Variants in PCDH15 observed in about 807,000 individuals in gnomAD.
PCDH15 encodes protocadherin-15.
In PCDH15, 129 loss-of-function variants were observed where a neutral mutation model predicts 178.5. That is an observed-to-expected ratio of 0.72 (90% CI 0.63 to 0.84). PCDH15 has a LOEUF of 0.84. Ranked by LOEUF, PCDH15 falls within the 40% of genes least tolerant of loss-of-function variation. The pLI is 0.00. For missense variants in PCDH15, 2,230 were observed against 2,099.9 expected (o/e 1.06, Z -1.21); for synonymous variants, 800 against 732.0 (o/e 1.09, Z -1.50).
chr10:54,043,136 T>A (rs781780269), intron 18 of PCDH15, among the ~76,000 whole-genome samples: 6 of 152,140 alleles, frequency 3.9e-5, no homozygotes, highest in Non-Finnish European at 7.4e-5. Flanking sequence ...TAATGCCATA[T>A]CTGTATAATT....
intron 25 of PCDH15, among the ~76,000 whole-genome samples, chr10:53,928,671 G>T (rs1165098158): frequency 6.6e-6 from 1 of 151,906 alleles, no homozygotes; most frequent in Non-Finnish European, 1.5e-5. Context: ...ATTTAATAGG[G>T]CTTAGTGTGC....
intron 2 of PCDH15, among the ~76,000 whole-genome samples, chr10:54,999,957 T>C (rs149384566): frequency 0.013 from 1,987 of 152,238 alleles, 42 homozygotes; most frequent in African/African-American, 0.045. Context: ...GTGTGGGTCA[T>C]AGAGATCACG....
intron 15 of PCDH15, among the ~76,000 whole-genome samples, chr10:54,107,632 A>G (rs1564435318): frequency 6.6e-6 from 1 of 152,160 alleles, no homozygotes; most frequent in Non-Finnish European, 1.5e-5. Flanking sequence ...GAGTCTAATG[A>G]GGGTGAGTAG....
chr10:55,003,653 A>C (rs556820813), intron 2 of PCDH15, among the ~76,000 whole-genome samples: 12 of 152,300 alleles, frequency 7.9e-5, no homozygotes, highest in Non-Finnish European at 1.8e-4. Context: ...TTATGTTATA[A>C]TAGGACACAA....
chr10:54,337,611 A>G (rs7094951), intron 6 of PCDH15, among the ~76,000 whole-genome samples: 10,817 of 152,194 alleles, frequency 0.071, 499 homozygotes, highest in African/African-American at 0.12. Context: ...AAGATAAACT[A>G]CAGCTGGAAC....
At chr10:55,094,553 T>TA (rs915273719) in intron 2 of PCDH15, among the ~76,000 whole-genome samples, 2 of 151,760 alleles carry the variant, frequency 1.3e-5, no homozygotes, top group Non-Finnish European at 2.9e-5. Flanking sequence ...AAAAATAAAT[T>TA]AAAAAAAATT....
intron 25 of PCDH15, among the ~76,000 whole-genome samples, chr10:53,911,611 A>T (rs773389783): frequency 1.3e-5 from 2 of 152,208 alleles, no homozygotes; most frequent in Non-Finnish European, 2.9e-5. Context: ...AGCAGAACTG[A>T]AGGAGATAGA....
chr10:55,436,803 A>C (rs1162848480), intron 2 of PCDH15, among the ~76,000 whole-genome samples: 1 of 152,210 alleles, frequency 6.6e-6, no homozygotes, highest in Non-Finnish European at 1.5e-5. Flanking sequence ...ATTGGTAACT[A>C]TGAAGATAGG....
chr10:55,579,783 A>T (rs2132118614), intron 2 of PCDH15, among the ~76,000 whole-genome samples: 1 of 152,282 alleles, frequency 6.6e-6, no homozygotes, highest in African/African-American at 2.4e-5. Context: ...CTCATAGATT[A>T]CTTGAGCAAC....
At chr10:54,827,931 A>G (rs560024812) in intron 3 of PCDH15, among the ~76,000 whole-genome samples, 17 of 152,218 alleles carry the variant, frequency 1.1e-4, no homozygotes, top group African/African-American at 4.1e-4. Flanking sequence ...CTTTTTAAAC[A>G]TTATATACCA....
intron 5 of PCDH15, among the ~76,000 whole-genome samples, chr10:54,353,673 C>G (rs902587526): frequency 2.6e-5 from 4 of 151,784 alleles, no homozygotes; most frequent in Non-Finnish European, 5.9e-5. Context: ...TGTCCTTGGT[C>G]CATCTATTTT....
chr10:55,205,564 G>A lies in PCDH15; in HGVS notation c.-155-38913C>T, dbSNP rs116537188. The stretch of plus-strand genomic sequence containing the variant: ...ATTTTTATATAATCCAATAATGAAT[G>A]CAAGAAACAAGCAAAATTTTAAACA... On this transcript the variant is annotated intron_variant, in intron 1 of 5. Transcript: ENST00000458638. Among the ~76,000 whole-genome samples, 928 of 151,986 alleles carry A rather than the reference G, an allele frequency of 6.1e-3. 16 individuals carry two copies. Among genetic ancestry groups the A allele is most frequent in the African/African-American group, 0.021 (873 of 41,386 alleles).
At chr10:54,509,846 C>T (rs2137702626) in intron 3 of PCDH15, among the ~76,000 whole-genome samples, 1 of 152,268 alleles carries the variant, frequency 6.6e-6, no homozygotes, top group Admixed American at 6.5e-5. Flanking sequence ...ACCTACTATT[C>T]ATCAACAGCA....
chr10:55,407,537 T>C (rs2132031626), intron 2 of PCDH15, among the ~76,000 whole-genome samples: 1 of 152,276 alleles, frequency 6.6e-6, no homozygotes, highest in Middle Eastern at 3.4e-3. Context: ...TAAACCTCTC[T>C]AAGTCTCTAT....
At chr10:55,369,969 A>G (rs1481382058) in intron 2 of PCDH15, among the ~76,000 whole-genome samples, 1 of 152,108 alleles carries the variant, frequency 6.6e-6, no homozygotes, top group East Asian at 1.9e-4. Flanking sequence ...AAAAAAAATC[A>G]GGGACCATCC....
chr10:54,034,442 A>T (rs1281516183), intron 18 of PCDH15, among the ~76,000 whole-genome samples: 1 of 151,846 alleles, frequency 6.6e-6, no homozygotes, highest in Non-Finnish European at 1.5e-5. Context: ...TTAATTTGGG[A>T]TGTCTCCAAA....
chr10:55,442,470 T>TATATTATATATATATAATATATATATA lies in PCDH15; in HGVS notation c.-156+185154_-156+185155insTATATATATATTATATATATATAATAT, dbSNP rs5785132. Among the ~76,000 whole-genome samples the TATATTATATATATATAATATATATATA allele has an allele frequency of 1.1e-4, 14 of 124,682 alleles. No homozygotes were observed. The East Asian group carries it at 1.9e-3, about 17-fold the overall frequency. 81.8% of individuals were successfully genotyped at this position (124,682 alleles called of 152,430 possible). Reference sequence around the variant, plus strand: ...CTTAATTTGATTATATATATATATATTATATATATATTATATATATATATA... The same window carrying TATATTATATATATATAATATATATATA: ...CTTAATTTGATTATATATATATATATATATTATATATATATAATATATATATATATATATATATTATATATATATATA... On this transcript the variant is annotated intron_variant, in intron 2 of 5. Coordinates refer to the PCDH15 transcript ENST00000613346.
At chr10:54,695,093 A>G (rs1445143608) in intron 1 of PCDH15, among the ~76,000 whole-genome samples, 1 of 152,146 alleles carries the variant, frequency 6.6e-6, no homozygotes, top group Non-Finnish European at 1.5e-5. Flanking sequence ...AAGGGATAAC[A>G]TTAGGAGATA....
At chr10:55,065,132 A>G (rs1362365181) in intron 2 of PCDH15, among the ~76,000 whole-genome samples, 2 of 152,074 alleles carry the variant, frequency 1.3e-5, no homozygotes, top group African/African-American at 4.8e-5. Context: ...TAAAAATAGA[A>G]GACAAATAAT....
Sources: allele counts gnomAD v4.1 joint callset (sites outside exome capture counted in the v4.1 genomes callset), GRCh38; gene constraint gnomAD v4.1.1; transcripts MANE v1.5; gene names NCBI Gene and HGNC (gene_info 2026-07-23, HGNC 2026-07-21).